Variants in PLOD1 observed in about 807,000 individuals in gnomAD.
PLOD1 encodes the protein lysine hydroxylase.
PLOD1 carries 70 observed loss-of-function variants against 94.7 expected under a neutral mutation model. That is an observed-to-expected ratio of 0.74 (90% CI 0.61 to 0.90). PLOD1 has a LOEUF of 0.90. Ranked by LOEUF, PLOD1 falls within the 40% of genes least tolerant of loss-of-function variation. The probability of loss-of-function intolerance (pLI) is 0.00; values close to 1 mark genes in which losing one functional copy is unlikely to be tolerated. For missense variants in PLOD1, 905 were observed against 972.7 expected (o/e 0.93, Z 0.93); for synonymous variants, 417 against 400.2 (o/e 1.04, Z -0.50).
At chr1:11,938,257 C>T (rs1645593295) in intron 1 of PLOD1, among the ~76,000 whole-genome samples, 1 of 152,096 alleles carries the variant, frequency 6.6e-6, no homozygotes, top group African/African-American at 2.4e-5. Flanking sequence ...GGCCAGGATC[C>T]CTTTGCTAAG....
intron 5 of PLOD1, 45 bp downstream of exon 5, chr1:11,952,780 C>G (rs374249859): frequency 7.3e-7 from 1 of 1,378,580 alleles, no homozygotes; most frequent in Non-Finnish European, 1.0e-6. Context: ...TGGGGATCCA[C>G]CGGCCAGGCT....
rs529262572 is a variant in PLOD1 at position 11,951,902 on chromosome 1, G to A, written c.467-721G>A. Reference sequence around the variant, plus strand: ...CCACTGCACTCCAGCCTGGGCGACAGAGCGAGACATTGTCTTAAAAATAAA... The same window carrying A: ...CCACTGCACTCCAGCCTGGGCGACAAAGCGAGACATTGTCTTAAAAATAAA... On this transcript the variant is annotated intron_variant, in intron 4 of 18. Coordinates refer to ENST00000196061, the MANE Select transcript of PLOD1 (RefSeq NM_000302.4). Among the ~76,000 whole-genome samples, 7 of 152,076 alleles carry A rather than the reference G, an allele frequency of 4.6e-5. 1 individual carries two copies. In the East Asian group the frequency reaches 7.7e-4, roughly 17 times the overall value.
intron 16 of PLOD1, among the ~76,000 whole-genome samples, chr1:11,968,251 G>A (rs745392929): frequency 6.6e-6 from 1 of 151,864 alleles, no homozygotes; most frequent in African/African-American, 2.4e-5. Context: ...ACCGTGTCTG[G>A]CCTAAGGCAC....
chr1:11,967,300 C>T (rs1645825630), intron 16 of PLOD1, among the ~76,000 whole-genome samples: 4 of 152,046 alleles, frequency 2.6e-5, no homozygotes, highest in South Asian at 4.1e-4. Context: ...CTGTTGCCAC[C>T]GTGTGGCTTT....
At chr1:11,948,296 CTCAGA>C (rs1645671405) in intron 2 of PLOD1, among the ~76,000 whole-genome samples, 1 of 152,046 alleles carries the variant, frequency 6.6e-6, no homozygotes, top group South Asian at 2.1e-4. Context: ...TAAAGAAATG[CTCAGA>C]TGTTAGTGTG....
chr1:11,959,542 A>C (rs1395267509), intron 9 of PLOD1, among the ~76,000 whole-genome samples: 2 of 150,836 alleles, frequency 1.3e-5, no homozygotes, highest in Non-Finnish European at 2.9e-5. Context: ...TCTTGGGTTC[A>C]AGCGATTCTC....
rs763672034 is a variant in PLOD1 at position 11,964,296 on chromosome 1, C to T, written c.1324C>T (p.Arg442Cys). 2.1e-5 allele frequency: 13 copies of T among 620,098 alleles called. No individual in the cohort carries two copies. Among genetic ancestry groups the T allele is most frequent in the African/African-American group, 1.6e-4 (7 of 43,832 alleles). 38.4% of individuals were successfully genotyped at this position (620,098 alleles called of 1,614,324 possible). The change falls in exon 12 of 19, where the codon CGT becomes TGT. Residue 442 changes from arginine (R) to cysteine (C), a missense_variant. By Grantham distance (180) the Arg-to-Cys change is radical. Transcript: ENST00000196061. Reference protein sequence around the residue: ...EDYVDIVQGRRVGVWNVPYIS... With the variant: ...EDYVDIVQGRCVGVWNVPYIS... The stretch of plus-strand genomic sequence containing the variant: ...CTACGTGGACATTGTGCAGGGGCGG[C>T]GTGTGTGAGTACCTGCAGGGTGGGG...
intron 17 of PLOD1, among the ~76,000 whole-genome samples, chr1:11,971,211 G>A (rs1411524728): frequency 3.5e-5 from 4 of 115,542 alleles, no homozygotes. Context: ...GGGGTGGGAG[G>A]GGTAGGGTGG....
intron 5 of PLOD1, among the ~76,000 whole-genome samples, chr1:11,953,652 C>G (rs1036707138): frequency 6.6e-6 from 1 of 151,362 alleles, no homozygotes; most frequent in African/African-American, 2.4e-5. Context: ...ATTAGCCGTG[C>G]GTGGTGGTGG....
In PLOD1 at chr1:11,934,952, C is replaced by T. The variant is rs1645568317; in HGVS notation, c.76+97C>T. On this transcript the variant is annotated intron_variant, in intron 1 of 18. Coordinates refer to ENST00000196061, the MANE Select transcript of PLOD1 (RefSeq NM_000302.4). ...GAACGACCTGAATGGGAGGCCTGGG[C>T]TGGAGAGGGAGTCTGGGTTCCGGCT... The T allele has an allele frequency of 5.0e-6, 7 of 1,404,244 alleles. No individual in the cohort carries two copies. In the South Asian group the frequency reaches 9.5e-5, roughly 19 times the overall value. 87.0% of individuals were successfully genotyped at this position (1,404,244 alleles called of 1,614,324 possible).
At chr1:11,956,720 C>T (rs1645740053) in intron 6 of PLOD1, among the ~76,000 whole-genome samples, 197 bp from the exon 7 acceptor site, 1 of 152,110 alleles carries the variant, frequency 6.6e-6, no homozygotes, top group South Asian at 2.1e-4. Flanking sequence ...GCTTGTTCAA[C>T]ACAAATCCTC....
chr1:11,956,210 C>T (rs1419147700), intron 6 of PLOD1, among the ~76,000 whole-genome samples: 3 of 151,968 alleles, frequency 2.0e-5, no homozygotes, highest in Non-Finnish European at 4.4e-5. Flanking sequence ...ATGGTGAAAC[C>T]CCGTCTCTAC....
At chr1:11,936,631 T>C (rs1645581012) in intron 1 of PLOD1, among the ~76,000 whole-genome samples, 1 of 151,962 alleles carries the variant, frequency 6.6e-6, no homozygotes, top group Admixed American at 6.6e-5. Flanking sequence ...CAAGCAATTC[T>C]CGTGCGTCAG....
In PLOD1 at chr1:11,972,584, T is replaced by G; in HGVS notation, c.1903-288T>G. ...CTTTCATTTCTTCTCTTCCCTTTCA[T>G]TTCTTCTCTTCCCTTTTCCTCCCTT... On this transcript the variant is annotated intron_variant, in intron 17 of 18. Coordinates refer to ENST00000196061, the MANE Select transcript of PLOD1 (RefSeq NM_000302.4). This position sits in a 1 kb window ranked among gnomAD's most constrained non-coding sequence, Gnocchi z 4.6. The G allele has an allele frequency of 2.5e-6, 1 of 399,324 alleles. No individual in the cohort carries two copies. The highest frequency in any genetic ancestry group is 7.6e-4 in the Middle Eastern group (1 of 1,316). 24.7% of individuals were successfully genotyped at this position (399,324 alleles called of 1,614,324 possible).
chr1:11,951,561 AAAAAT>A (rs1645702016), intron 4 of PLOD1, among the ~76,000 whole-genome samples: 2 of 145,348 alleles, frequency 1.4e-5, no homozygotes, highest in African/African-American at 5.2e-5. Flanking sequence ...TTTTTAAATA[AAAAAT>A]AATACTATAT....
rs555033897 is a variant in PLOD1 at position 11,972,206 on chromosome 1, C to T, written c.1903-666C>T. ...GTTCCTTTCTTCCCTTCCTTCCTTC[C>T]TTCCTCTCTCTCTCTCTCTCTCTTT... is the stretch of plus-strand genomic sequence containing the variant. On this transcript the variant is annotated intron_variant, in intron 17 of 18. Coordinates refer to ENST00000196061, the MANE Select transcript of PLOD1 (RefSeq NM_000302.4). This position sits in a 1 kb window ranked among gnomAD's most constrained non-coding sequence, Gnocchi z 4.6. 2.8e-3 allele frequency: 299 copies of T among 107,752 alleles called. 1 individual carries two copies. The highest frequency in any genetic ancestry group is 4.6e-3 in the South Asian group (13 of 2,856). 6.7% of individuals were successfully genotyped at this position (107,752 alleles called of 1,614,324 possible).
chr1:11,967,596 T>TATATATATATCTATATATAAA (rs1645828296), intron 16 of PLOD1, among the ~76,000 whole-genome samples: 1 of 103,920 alleles, frequency 9.6e-6, no homozygotes, highest in Non-Finnish European at 1.8e-5. Flanking sequence ...TGTGTGTGTG[T>TATATATATATCTATATATAAA]GTATATATAT....
intron 16 of PLOD1, among the ~76,000 whole-genome samples, chr1:11,968,518 CTT>C (rs1359987084): frequency 2.6e-4 from 37 of 141,568 alleles, no homozygotes; most frequent in Admixed American, 3.5e-4. Flanking sequence ...TTTCTTTTTT[CTT>C]TTTTTTTTTT....
rs185439183 is a variant in PLOD1, at chr1:11,945,413, G to A, written c.77-2563G>A. 2.6e-3 allele frequency among the ~76,000 whole-genome samples: 376 copies of A among 143,304 alleles called. 1 individual carries two copies. Among genetic ancestry groups the A allele is most frequent in the African/African-American group, 9.0e-3 (337 of 37,442 alleles). 94.0% of individuals were successfully genotyped at this position (143,304 alleles called of 152,430 possible). A position where few individuals can be genotyped will look rare whatever the true frequency, so the allele number is the denominator to read the frequency against. On this transcript the variant is annotated intron_variant, in intron 1 of 18. Coordinates refer to ENST00000196061, the MANE Select transcript of PLOD1 (RefSeq NM_000302.4). The stretch of plus-strand genomic sequence containing the variant: ...GCACTCCAGCCTGGGCAACGGGAGT[G>A]AGATTGGGTCTCAAAAAAAAAAACC...
Sources: gnomAD v4.1 joint callset for allele counts (sites outside exome capture counted in the v4.1 genomes callset) on GRCh38, gnomAD v4.1.1 for gene constraint, Gnocchi (gnomAD v3.1) non-coding constraint, MANE v1.5 for transcripts, NCBI Gene and HGNC (gene_info 2026-07-23, HGNC 2026-07-21) for gene names.